SKAP1: variants seen among roughly 807,000 people sequenced by gnomAD.
SKAP1 encodes src kinase associated phosphoprotein 1.
In SKAP1, 44 loss-of-function variants were observed where a neutral mutation model predicts 58.5. The ratio of observed to expected loss-of-function variants is 0.75; its 90% CI spans 0.59 to 0.97. The LOEUF is 0.97. SKAP1 is among the 50% of genes least tolerant of loss of function. The pLI is 0.00. For synonymous variants in SKAP1, 127 were observed against 149.7 expected (o/e 0.85, Z 1.11); for missense variants, 390 against 435.2 (o/e 0.90, Z 0.92).
chr17:48,439,500 T>C, the SKAP1 span, among the ~76,000 whole-genome samples: 1 of 152,186 alleles, frequency 6.6e-6, no homozygotes, highest in Non-Finnish European at 1.5e-5. Context: ...AAATTGATGG[T>C]CACAAGCCAA....
intron 4 of SKAP1, among the ~76,000 whole-genome samples, chr17:48,277,911 C>G (rs2065719998): frequency 6.6e-6 from 1 of 152,048 alleles, no homozygotes; most frequent in African/African-American, 2.4e-5. Context: ...TTTATTTGTT[C>G]TAAAGGAAAT....
At chr17:48,184,178 A>C (rs2064411806) in intron 7 of SKAP1, among the ~76,000 whole-genome samples, 1 of 152,206 alleles carries the variant, frequency 6.6e-6, no homozygotes, top group African/African-American at 2.4e-5. Flanking sequence ...TCTTGCCCCG[A>C]CCAGGTCCTC....
intron 1 of SKAP1, among the ~76,000 whole-genome samples, chr17:48,400,390 C>T (rs533763094): frequency 2.6e-5 from 4 of 152,140 alleles, no homozygotes; most frequent in African/African-American, 7.2e-5. Flanking sequence ...TGAGCCACCA[C>T]GCCCAGCCAA....
Position 48,256,979 on chromosome 17 carries a change from T to G in SKAP1, c.281-67479A>C, listed in dbSNP as rs1226397694. Among the ~76,000 whole-genome samples, 4 of 152,060 alleles carry G rather than the reference T, an allele frequency of 2.6e-5. No individual in the cohort carries two copies. The East Asian group carries it at 5.8e-4, about 22-fold the overall frequency. ...CCCCTAAAGTCAAAGAGGTTTTAAG[T>G]GTTCACATGTCTACTTGATTAAGCA... On this transcript the variant is annotated intron_variant, in intron 4 of 12. Transcript: ENST00000336915.
chr17:48,281,167 A>G (rs1221798970), intron 4 of SKAP1, among the ~76,000 whole-genome samples: 1 of 152,162 alleles, frequency 6.6e-6, no homozygotes, highest in East Asian at 1.9e-4. Flanking sequence ...CTGGGATTAC[A>G]GGCACATGCC....
At chr17:48,248,114 T>G (rs1320185818) in intron 4 of SKAP1, among the ~76,000 whole-genome samples, 2 of 152,210 alleles carry the variant, frequency 1.3e-5, no homozygotes, top group Non-Finnish European at 2.9e-5. Flanking sequence ...AAGAGGCCAA[T>G]GAACAGACCT....
intron 4 of SKAP1, among the ~76,000 whole-genome samples, chr17:48,320,806 TA>T: frequency 6.6e-6 from 1 of 152,242 alleles, no homozygotes; most frequent in Admixed American, 6.5e-5. Flanking sequence ...GTAATAGTGG[TA>T]ATTAAAAGAA....
chr17:48,166,947 C>A (rs1248452390), intron 10 of SKAP1, among the ~76,000 whole-genome samples: 1 of 152,062 alleles, frequency 6.6e-6, no homozygotes, highest in African/African-American at 2.4e-5. Context: ...TCACTGCAGC[C>A]TCGAACTCCT....
intron 4 of SKAP1, among the ~76,000 whole-genome samples, chr17:48,194,366 C>T (rs1041565789): frequency 4.6e-5 from 7 of 152,324 alleles, no homozygotes; most frequent in African/African-American, 9.6e-5. Flanking sequence ...CAATGCTAAA[C>T]ATGACTCTTT....
chr17:48,246,579 C>G (rs911985454), intron 4 of SKAP1, among the ~76,000 whole-genome samples: 1 of 152,162 alleles, frequency 6.6e-6, no homozygotes, highest in Admixed American at 6.5e-5. Context: ...GCTGGAAGAG[C>G]TTTAGAGACT....
chr17:48,272,139 C>CT (rs11384992), intron 4 of SKAP1, among the ~76,000 whole-genome samples: 95,294 of 147,464 alleles, frequency 0.65, 30,571 homozygotes, highest in South Asian at 0.76. Context: ...AATTGTCTTC[C>CT]TTTTTTTTTT....
upstream of SKAP1, among the ~76,000 whole-genome samples, chr17:48,431,241 C>T (rs148103798): frequency 3.9e-5 from 6 of 152,246 alleles, no homozygotes; most frequent in East Asian, 1.2e-3. Flanking sequence ...GCCCAGGAAT[C>T]TGAGGTTACA....
At chr17:48,236,158 A>G (rs2065178075) in intron 4 of SKAP1, among the ~76,000 whole-genome samples, 1 of 152,208 alleles carries the variant, frequency 6.6e-6, no homozygotes, top group African/African-American at 2.4e-5. Flanking sequence ...AAAGTTGAAA[A>G]TGCTTTCCGA....
rs767327053 is a variant in SKAP1, at chr17:48,216,409, A to C, written c.281-26909T>G. On this transcript the variant is annotated intron_variant, in intron 4 of 12. Transcript: ENST00000336915. ...CCACTATTTATCTTACTTGCTTATG[A>C]AATTGAAATAACATATTGCTGATAA... is the stretch of plus-strand genomic sequence containing the variant. Among the ~76,000 whole-genome samples, 146 of 152,316 alleles carry C rather than the reference A, an allele frequency of 9.6e-4. 1 individual carries two copies. The highest frequency in any genetic ancestry group is 1.6e-3 in the Non-Finnish European group (107 of 68,032).
At chr17:48,236,982 T>G (rs2065187967) in intron 4 of SKAP1, among the ~76,000 whole-genome samples, 1 of 152,214 alleles carries the variant, frequency 6.6e-6, no homozygotes, top group African/African-American at 2.4e-5. Flanking sequence ...GGTACTACCA[T>G]TATCTCTATT....
At chr17:48,373,959 T>C (rs567044973) in intron 2 of SKAP1, among the ~76,000 whole-genome samples, 1 of 152,314 alleles carries the variant, frequency 6.6e-6, no homozygotes, top group South Asian at 2.1e-4. Flanking sequence ...CATCATATAC[T>C]CTCTGCCTTG....
At chr17:48,155,348 G>A (rs1292414118) in intron 11 of SKAP1, among the ~76,000 whole-genome samples, 3 of 151,060 alleles carry the variant, frequency 2.0e-5, no homozygotes, top group African/African-American at 7.3e-5. Context: ...GGCTGGTCTC[G>A]AACTCCTGAC....
chr17:48,218,714 G>A (rs2064969297), intron 4 of SKAP1, among the ~76,000 whole-genome samples: 1 of 152,226 alleles, frequency 6.6e-6, no homozygotes, highest in Admixed American at 6.5e-5. Context: ...TGTCAAAAGT[G>A]TAGTTTCATC....
chr17:48,433,435 T>C (rs1489013275), upstream of SKAP1, among the ~76,000 whole-genome samples: 1 of 152,176 alleles, frequency 6.6e-6, no homozygotes, highest in East Asian at 1.9e-4. Flanking sequence ...GCCAGCTGTC[T>C]CTGCACACAG....
Sources: allele counts gnomAD v4.1 joint callset (sites outside exome capture counted in the v4.1 genomes callset), GRCh38; gene constraint gnomAD v4.1.1; transcripts MANE v1.5; gene names NCBI Gene and HGNC (gene_info 2026-07-23, HGNC 2026-07-21).